The following BABAM2 variants were observed in gnomAD, a reference collection of about 807,000 sequenced individuals.
The protein encoded by BABAM2 is BRISC and BRCA1 A complex member 2.
BABAM2 carries 31 observed loss-of-function variants against 54.7 expected under a neutral mutation model. The ratio of observed to expected loss-of-function variants is 0.57; its 90% confidence interval spans 0.43 to 0.77. The LOEUF is 0.77. Among genes scored for constraint, BABAM2 ranks in the 30% least tolerant of loss-of-function variants. The probability of loss-of-function intolerance (pLI) is 0.00; values close to 1 mark genes in which losing one functional copy is unlikely to be tolerated. For synonymous variants in BABAM2, 167 were observed against 162.9 expected, an observed-to-expected ratio of 1.03 and a Z score of -0.19; for missense variants, 364 against 455.8, an observed-to-expected ratio of 0.80 and a Z score of 1.83.
chr2:27,987,928 C>A, intron 3 of BABAM2, 65 bp from the exon 4 acceptor site: 2 of 1,335,322 alleles, frequency 1.5e-6, no homozygotes, highest in Non-Finnish European at 2.1e-6. Flanking sequence ...TTTTCTGATA[C>A]AGTCTTCAGA....
chr2:28,221,537 A>G lies in BABAM2; in HGVS notation c.681-15665A>G, dbSNP rs546264509. Among the ~76,000 whole-genome samples the G allele has an allele frequency of 2.4e-4, 37 of 152,180 alleles. 1 individual carries two copies. Among genetic ancestry groups the G allele is most frequent in the Non-Finnish European group, 3.2e-4 (22 of 68,034 alleles). ...TCTGCAGCTTGCATTTTTCCTATCC[A>G]ATATATCATGGCCATTTGTCTGAAT... On this transcript the variant is annotated intron_variant, in intron 7 of 11. Coordinates refer to ENST00000379624, the MANE Select transcript of BABAM2 (RefSeq NM_199191.3).
intron 6 of BABAM2, among the ~76,000 whole-genome samples, chr2:28,100,630 T>TATTCAAATA (rs1667005479): frequency 6.6e-6 from 1 of 152,148 alleles, no homozygotes; most frequent in African/African-American, 2.4e-5. Flanking sequence ...TACATGTAAC[T>TATTCAAATA]ATTCAAATAA....
rs115984623 is a variant in BABAM2, at chr2:27,976,308, T to C, written c.206-11685T>C. ...TCACAAACTGGAAATCACCTACATG[T>C]CTTTCATTGGGTAGATGGATATACA... On this transcript the variant is annotated intron_variant, in intron 3 of 11. Transcript: ENST00000379624. 9.2e-3 allele frequency among the ~76,000 whole-genome samples: 1,398 copies of C among 152,232 alleles called. 13 individuals are homozygous for C. Among genetic ancestry groups the C allele is most frequent in the Non-Finnish European group, 0.015 (998 of 67,964 alleles).
chr2:28,118,803 C>A (rs976018564), intron 6 of BABAM2, among the ~76,000 whole-genome samples: 1 of 152,006 alleles, frequency 6.6e-6, no homozygotes, highest in Admixed American at 6.6e-5. Flanking sequence ...AGCTTTTGCC[C>A]ATATGTCCTG....
Position 28,286,841 on chromosome 2 carries a change from T to C in BABAM2, c.935-11497T>C, listed in dbSNP as rs140212232. ...AGGAGTTGGCCTTACTCAGCTGGGT[T>C]TCCCTAGAGCCGGCCATGGTATGTG... On this transcript the variant is annotated intron_variant, in intron 10 of 11. Transcript: ENST00000379624. Among the ~76,000 whole-genome samples, 21 of 152,322 alleles carry C rather than the reference T, an allele frequency of 1.4e-4. No individual in the cohort carries two copies. The East Asian group carries it at 4.1e-3, about 29-fold the overall frequency.
intron 7 of BABAM2, among the ~76,000 whole-genome samples, chr2:28,191,669 T>A (rs746934513): frequency 1.6e-4 from 25 of 152,348 alleles, no homozygotes; most frequent in Non-Finnish European, 3.1e-4. Flanking sequence ...TGATGTACTA[T>A]TTATATAATT....
chr2:28,223,547 G>A (rs561366443), intron 7 of BABAM2, among the ~76,000 whole-genome samples: 25 of 152,276 alleles, frequency 1.6e-4, no homozygotes, highest in Non-Finnish European at 2.9e-5. Flanking sequence ...TGACTTGATC[G>A]TACTCTCTGC....
At chr2:28,227,735 G>A (rs896727364) in intron 7 of BABAM2, among the ~76,000 whole-genome samples, 5 of 152,108 alleles carry the variant, frequency 3.3e-5, no homozygotes, top group Admixed American at 2.0e-4. Flanking sequence ...AGCCCTGGCC[G>A]TGCATCATTG....
At chr2:28,300,698 A>C (rs936684558) in intron 11 of BABAM2, among the ~76,000 whole-genome samples, 18 of 152,268 alleles carry the variant, frequency 1.2e-4, no homozygotes, top group Non-Finnish European at 8.8e-5. Flanking sequence ...TGAGTCTTTA[A>C]GAAGTTGCAG....
chr2:28,127,574 G>A (rs572692354), intron 6 of BABAM2, among the ~76,000 whole-genome samples: 1 of 152,212 alleles, frequency 6.6e-6, no homozygotes, highest in Admixed American at 6.5e-5. Context: ...CTTTAAAAAT[G>A]TTTCTTTTTT....
chr2:28,047,757 C>T (rs949855742), intron 6 of BABAM2, among the ~76,000 whole-genome samples: 1 of 152,156 alleles, frequency 6.6e-6, no homozygotes, highest in African/African-American at 2.4e-5. Context: ...ATCTACATTG[C>T]AACACTAATG....
rs763848551 is a variant in BABAM2 at position 28,244,937 on chromosome 2, AGAAC to A, written c.934+76_934+79del. Reference sequence around the variant, plus strand: ...TAAACCACATGTAATAATCAGTACTAGAACCTTTTCTGTCCTGTCTCGGTTCCTT... The same window carrying A: ...TAAACCACATGTAATAATCAGTACTACTTTTCTGTCCTGTCTCGGTTCCTT... On this transcript the variant is annotated intron_variant, in intron 10 of 11. Coordinates refer to ENST00000379624, the MANE Select transcript of BABAM2 (RefSeq NM_199191.3). The A allele has an allele frequency of 6.8e-4, 882 of 1,287,910 alleles. 5 individuals are homozygous for A. Among genetic ancestry groups the A allele is most frequent in the Non-Finnish European group, 5.0e-4 (448 of 898,644 alleles). 79.8% of individuals were successfully genotyped at this position (1,287,910 alleles called of 1,614,324 possible). A position where few individuals can be genotyped will look rare whatever the true frequency, so the allele number is the denominator to read the frequency against.
chr2:28,220,013 C>T lies in BABAM2; in HGVS notation c.681-17189C>T, dbSNP rs111533384. Reference sequence around the variant, plus strand: ...TCCCTCACTTGTCTCAGCACCTGGGCCTGTTTCTGACGACGTGCTTTCACT... The same window carrying T: ...TCCCTCACTTGTCTCAGCACCTGGGTCTGTTTCTGACGACGTGCTTTCACT... On this transcript the variant is annotated intron_variant, in intron 7 of 11. Coordinates refer to ENST00000379624, the MANE Select transcript of BABAM2 (RefSeq NM_199191.3). Among the ~76,000 whole-genome samples the T allele has an allele frequency of 8.8e-3, 1,338 of 152,256 alleles. 12 individuals are homozygous for T. Among genetic ancestry groups the T allele is most frequent in the African/African-American group, 0.03 (1,251 of 41,528 alleles).
At chr2:28,009,190 T>C (rs901407011) in intron 4 of BABAM2, among the ~76,000 whole-genome samples, 3 of 152,108 alleles carry the variant, frequency 2.0e-5, no homozygotes, top group Non-Finnish European at 4.4e-5. Flanking sequence ...ATAGATTGTA[T>C]AGGGCCAAGG....
At chr2:28,098,864 G>T (rs1666838486) in intron 6 of BABAM2, among the ~76,000 whole-genome samples, 1 of 152,214 alleles carries the variant, frequency 6.6e-6, no homozygotes, top group Non-Finnish European at 1.5e-5. Flanking sequence ...TTTCGCCAGT[G>T]AATTTTGAAT....
In BABAM2 at chr2:28,045,824, G is replaced by A. The variant is rs776891902; in HGVS notation, c.570+25G>A. On this transcript the variant is annotated intron_variant, in intron 6 of 11. Coordinates refer to ENST00000379624, the MANE Select transcript of BABAM2 (RefSeq NM_199191.3). ...GGTAAAAATATATGATTTTCAGTAT[G>A]AGAATATAAGTGAGCTTTTTAAGTA... is the stretch of plus-strand genomic sequence containing the variant. 2.6e-6 allele frequency: 4 copies of A among 1,544,122 alleles called. No individual in the cohort carries two copies. In the South Asian group the frequency reaches 3.6e-5, roughly 14 times the overall value.
At chr2:27,950,138 A>G (rs574964047) in intron 3 of BABAM2, among the ~76,000 whole-genome samples, 1 of 152,304 alleles carries the variant, frequency 6.6e-6, no homozygotes, top group South Asian at 2.1e-4. Context: ...CTTAACTTGA[A>G]GCTACTTTTA....
intron 7 of BABAM2, among the ~76,000 whole-genome samples, chr2:28,139,321 C>CAAAAAAAAAAAAAAAAAAAA (rs768755922): frequency 2.3e-5 from 2 of 87,058 alleles, no homozygotes; most frequent in African/African-American, 1.2e-4. Flanking sequence ...AACTCCGTCT[C>CAAAAAAAAAAAAAAAAAAAA]AAAAAAAAAA....
intron 7 of BABAM2, among the ~76,000 whole-genome samples, chr2:28,168,893 C>A (rs1276516684): frequency 6.6e-6 from 1 of 152,158 alleles, no homozygotes; most frequent in African/African-American, 2.4e-5. Flanking sequence ...TTCAACCCAA[C>A]TTCCAGAAAG....
Sources: gnomAD v4.1 joint callset for allele counts (sites outside exome capture counted in the v4.1 genomes callset) on GRCh38, gnomAD v4.1.1 for gene constraint, MANE v1.5 for transcripts, NCBI Gene and HGNC (gene_info 2026-07-23, HGNC 2026-07-21) for gene names.